Variants in KIF13A observed in about 807,000 individuals in gnomAD.
The protein encoded by KIF13A is kinesin family member 13A.
A neutral mutation model predicts 212.2 loss-of-function variants in KIF13A; 79 were observed. The observed-to-expected ratio is 0.37, with a 90% CI of 0.31 to 0.45. The LOEUF (loss-of-function observed/expected upper bound fraction) is 0.45. Among genes scored for constraint, KIF13A ranks in the 20% least tolerant of loss-of-function variants. KIF13A has a pLI of 1.00. For synonymous variants in KIF13A, 789 were observed against 808.6 expected (o/e 0.98, Z 0.41); for missense variants, 1,901 against 2,209.0 (o/e 0.86, Z 2.79).
In KIF13A at chr6:17,820,295, T is replaced by C. The variant is rs191489958; in HGVS notation, c.1787-3062A>G. 4.6e-4 allele frequency among the ~76,000 whole-genome samples: 70 copies of C among 152,304 alleles called. No individual in the cohort carries two copies. In the East Asian group the frequency reaches 0.012, roughly 26 times the overall value. ...CTGAGACTCCCACAGTAGAGTCTTG[T>C]AAGCCCCATTCCCGAACTCCCAGAT... On this transcript the variant is annotated intron_variant, in intron 16 of 38. Transcript: ENST00000259711.
At chr6:17,933,027 G>C (rs1229838001) in intron 2 of KIF13A, among the ~76,000 whole-genome samples, 1 of 152,048 alleles carries the variant, frequency 6.6e-6, no homozygotes, top group Non-Finnish European at 1.5e-5. Flanking sequence ...AGTAAGATAA[G>C]AATATCTAAA....
rs1044467515 is a variant in KIF13A, at chr6:17,982,140, G to C, written c.146+4914C>G. Among the ~76,000 whole-genome samples, 2 of 151,604 alleles carry C rather than the reference G, an allele frequency of 1.3e-5. No individual in the cohort carries two copies. Among genetic ancestry groups the C allele is most frequent in the Middle Eastern group, 3.4e-3 (1 of 292 alleles). On this transcript the variant is annotated intron_variant, in intron 2 of 38. Coordinates refer to ENST00000259711, the MANE Select transcript of KIF13A (RefSeq NM_022113.6). This position sits in a 1 kb window ranked among gnomAD's most constrained non-coding sequence, Gnocchi z 5.1. ...GACAGAGTTTCACTCTTGTTGCTCA[G>C]GCTAGAGTGCAATGGCTCGATCTCA...
At chr6:17,910,006 A>T (rs1408310637) in intron 2 of KIF13A, among the ~76,000 whole-genome samples, 1 of 152,266 alleles carries the variant, frequency 6.6e-6, no homozygotes, top group Non-Finnish European at 1.5e-5. Context: ...GAAAAGAGCC[A>T]AGAGCAGTAT....
chr6:17,882,334 A>G (rs1771148535), intron 3 of KIF13A, among the ~76,000 whole-genome samples: 1 of 152,200 alleles, frequency 6.6e-6, no homozygotes, highest in Non-Finnish European at 1.5e-5. Context: ...AAAACACAAA[A>G]CAAGTATTCT....
rs1456309784 is a variant in KIF13A at position 17,839,779 on chromosome 6, A to G, written c.831-2196T>C. ...AGGCAGAGACTGGAGTGATGCATCTACAAGACAGGGAACGCCGAGGATTGA... is the reference window on the plus strand; with the variant it reads ...AGGCAGAGACTGGAGTGATGCATCTGCAAGACAGGGAACGCCGAGGATTGA... On this transcript the variant is annotated intron_variant, in intron 9 of 38. Coordinates refer to ENST00000259711, the MANE Select transcript of KIF13A (RefSeq NM_022113.6). This position sits in a 1 kb window ranked among gnomAD's most constrained non-coding sequence, Gnocchi z 4.3. Among the ~76,000 whole-genome samples, 1 of 152,164 alleles carries G rather than the reference A, an allele frequency of 6.6e-6. No homozygotes were observed. Among genetic ancestry groups the G allele is most frequent in the South Asian group, 2.1e-4 (1 of 4,818 alleles).
intron 2 of KIF13A, among the ~76,000 whole-genome samples, chr6:17,907,982 G>A (rs764673611): frequency 2.6e-5 from 4 of 152,200 alleles, no homozygotes; most frequent in Non-Finnish European, 4.4e-5. Flanking sequence ...AGTGAGACAC[G>A]CACTGGTGAG....
At chr6:17,804,959 A>G (rs747488935) in intron 19 of KIF13A, among the ~76,000 whole-genome samples, 6 of 148,502 alleles carry the variant, frequency 4.0e-5, no homozygotes, top group Non-Finnish European at 8.9e-5. Context: ...CAGCTTTTTC[A>G]TTTCATCCCC....
rs894907894 is a variant in KIF13A at position 17,967,697 on chromosome 6, G to A, written c.146+19357C>T. On this transcript the variant is annotated intron_variant, in intron 2 of 38. Transcript: ENST00000259711. The surrounding 1 kb of genome is among the most constrained non-coding windows in gnomAD (Gnocchi z 4.1). The stretch of plus-strand genomic sequence containing the variant: ...TCCAAAGGAAAGACCTGCAGTGTTA[G>A]GTTTCCTCCTGCTCCCAACTGCCCA... Among the ~76,000 whole-genome samples the A allele has an allele frequency of 6.6e-6, 1 of 152,136 alleles. No homozygotes were observed. The highest frequency in any genetic ancestry group is 1.5e-5 in the Non-Finnish European group (1 of 68,020).
At chr6:17,976,484 C>T (rs1362185353) in intron 2 of KIF13A, among the ~76,000 whole-genome samples, 1 of 152,228 alleles carries the variant, frequency 6.6e-6, no homozygotes, top group Non-Finnish European at 1.5e-5. Flanking sequence ...GCTCCGAATG[C>T]GGGGCCCGCC....
intron 4 of KIF13A, among the ~76,000 whole-genome samples, chr6:17,869,475 T>C (rs1282817928): frequency 6.6e-6 from 1 of 152,118 alleles, no homozygotes; most frequent in Non-Finnish European, 1.5e-5. Context: ...TCAGAACTAT[T>C]AGTATCCTTA....
At chr6:17,970,864 A>G (rs1274609798) in intron 2 of KIF13A, among the ~76,000 whole-genome samples, 1 of 152,238 alleles carries the variant, frequency 6.6e-6, no homozygotes, top group African/African-American at 2.4e-5. Context: ...GTGCTTTACA[A>G]AACTACTTAT....
intron 2 of KIF13A, among the ~76,000 whole-genome samples, chr6:17,976,798 T>C (rs1216608320): frequency 7.1e-5 from 9 of 127,020 alleles, no homozygotes; most frequent in African/African-American, 2.2e-4. Context: ...CAAGACTCCA[T>C]CTCAAAAAAA....
downstream of KIF13A, chr6:17,760,662 G>C (rs1758542760): frequency 1.7e-6 from 1 of 597,996 alleles, no homozygotes; most frequent in Non-Finnish European, 3.0e-6. Context: ...ATTCACCCAA[G>C]TGACAAAGTG....
chr6:17,846,041 C>T (rs796768528), intron 9 of KIF13A, among the ~76,000 whole-genome samples: 2 of 83,254 alleles, frequency 2.4e-5, no homozygotes, highest in Admixed American at 1.7e-4. Context: ...GGAACTCAAC[C>T]TTTTTTTTTT....
intron 2 of KIF13A, among the ~76,000 whole-genome samples, chr6:17,975,574 A>AT (rs1320121025): frequency 2.0e-5 from 3 of 152,206 alleles, no homozygotes; most frequent in Non-Finnish European, 4.4e-5. Context: ...TACAGAACAA[A>AT]ACGCGAACAA....
intron 30 of KIF13A, 101 bp downstream of exon 30, chr6:17,781,076 G>A (rs1760528411): frequency 6.1e-6 from 9 of 1,480,526 alleles, no homozygotes; most frequent in Middle Eastern, 2.1e-4. Flanking sequence ...TAAAGTCCCC[G>A]GTCTTTTTCC....
rs545358525 is a variant in KIF13A at position 17,780,332 on chromosome 6, C to T, written c.3846+398G>A. ...ACAACACTGGAGAGGATCAGTTTCACTGACAGCACCTCTGAGATGGGATCC... is the reference window on the plus strand; with the variant it reads ...ACAACACTGGAGAGGATCAGTTTCATTGACAGCACCTCTGAGATGGGATCC... On this transcript the variant is annotated intron_variant, in intron 31 of 38. Coordinates refer to ENST00000259711, the MANE Select transcript of KIF13A (RefSeq NM_022113.6). 3.5e-4 allele frequency among the ~76,000 whole-genome samples: 53 copies of T among 152,338 alleles called. No homozygotes were observed. The South Asian group carries it at 4.8e-3, about 14-fold the overall frequency.
chr6:17,833,947 A>G lies in KIF13A; in HGVS notation c.1266+14T>C, dbSNP rs773498578. ...AAAGAATCCCAATATTTTAGGGCTA[A>G]ATTATCAAGCTACCTGTGCTATCTC... On this transcript the variant is annotated intron_variant, in intron 12 of 38. Transcript: ENST00000259711. 1 of 1,419,772 alleles carries G rather than the reference A, an allele frequency of 7.0e-7. No individual in the cohort carries two copies. Among genetic ancestry groups the G allele is most frequent in the Non-Finnish European group, 9.6e-7 (1 of 1,039,778 alleles). 87.9% of individuals were successfully genotyped at this position (1,419,772 alleles called of 1,614,324 possible). A position where few individuals can be genotyped will look rare whatever the true frequency, so the allele number is the denominator to read the frequency against.
At chr6:17,792,577 G>A (rs369648602) in intron 25 of KIF13A, among the ~76,000 whole-genome samples, 104 of 152,284 alleles carry the variant, frequency 6.8e-4, no homozygotes, top group African/African-American at 2.4e-3. Flanking sequence ...GAACTGCTAT[G>A]AGAATACCTA....
Sources: allele counts gnomAD v4.1 joint callset (sites outside exome capture counted in the v4.1 genomes callset), GRCh38; gene constraint gnomAD v4.1.1; non-coding constraint Gnocchi (gnomAD v3.1); transcripts MANE v1.5; gene names NCBI Gene and HGNC (gene_info 2026-07-23, HGNC 2026-07-21).